The following RPS6KA2 variants were observed in gnomAD, a reference collection of about 807,000 sequenced individuals.
RPS6KA2 encodes ribosomal protein S6 kinase A2, also known as ribosomal protein S6 kinase alpha-2.
Under a neutral mutation model 91.8 loss-of-function variants are expected in RPS6KA2, and 42 were observed. The observed-to-expected ratio is 0.46, with a 90% CI of 0.36 to 0.59. The LOEUF (loss-of-function observed/expected upper bound fraction) is 0.59, where lower values mean the gene tolerates loss of function less well. Among genes scored for constraint, RPS6KA2 ranks in the 20% least tolerant of loss-of-function variants. The pLI is 0.00. For synonymous variants in RPS6KA2, 414 were observed against 393.6 expected, an observed-to-expected ratio of 1.05 and a Z score of -0.61; for missense variants, 798 against 978.5, an observed-to-expected ratio of 0.82 and a Z score of 2.46.
In RPS6KA2 at chr6:166,411,342, C is replaced by G. The variant is rs1457426234; in HGVS notation, c.*1420G>C. Reference sequence around the variant, plus strand: ...GCACCTCCTGAAGCCCTGCTTGCTGCAGAGGCGCCGCTCTTCAGTGATGCA... The same window carrying G: ...GCACCTCCTGAAGCCCTGCTTGCTGGAGAGGCGCCGCTCTTCAGTGATGCA... On this transcript the variant is annotated 3_prime_UTR_variant, in exon 21 of 21. Coordinates refer to ENST00000265678, the MANE Select transcript of RPS6KA2 (RefSeq NM_021135.6). This position sits in a 1 kb window ranked among gnomAD's most constrained non-coding sequence, Gnocchi z 4.5. 6.6e-6 allele frequency: 1 copy of G among 152,068 alleles called. No individual in the cohort carries two copies. Among genetic ancestry groups the G allele is most frequent in the Non-Finnish European group, 1.5e-5 (1 of 68,000 alleles). The allele number at this position is 152,068 out of a possible 1,614,324, so 9.4% of individuals were successfully genotyped here. A position where few individuals can be genotyped will look rare whatever the true frequency, so the allele number is the denominator to read the frequency against.
At chr6:166,822,789 C>CAATGAATG (rs35844557) in intron 2 of RPS6KA2, among the ~76,000 whole-genome samples, 127 of 149,286 alleles carry the variant, frequency 8.5e-4, no homozygotes, top group Middle Eastern at 6.8e-3. Flanking sequence ...ACGTGTTTTC[C>CAATGAATG]AATGAATGAA....
chr6:166,465,581 G>A (rs866119763), intron 11 of RPS6KA2, among the ~76,000 whole-genome samples: 2 of 152,146 alleles, frequency 1.3e-5, no homozygotes, highest in Admixed American at 6.5e-5. Context: ...CAGTTTACGC[G>A]GTGTCCTGAA....
chr6:166,824,753 C>CTGTG (rs1218929000), intron 2 of RPS6KA2, among the ~76,000 whole-genome samples: 2 of 108,804 alleles, frequency 1.8e-5, no homozygotes, highest in Non-Finnish European at 3.9e-5. Flanking sequence ...GTCTGTATGT[C>CTGTG]TGTGTGTGTG....
In RPS6KA2 at chr6:166,774,192, C is replaced by A. The variant is rs375113890; in HGVS notation, c.123+84008G>T. ...TTTTATGATTGGACTGCAAGTAAAG[C>A]TGCCAGCCAAATTTTATAACACAAA... On this transcript the variant is annotated intron_variant, in intron 2 of 21. Transcript: ENST00000503859. 1.2e-3 allele frequency among the ~76,000 whole-genome samples: 183 copies of A among 152,274 alleles called. 2 individuals carry two copies. Among genetic ancestry groups the A allele is most frequent in the African/African-American group, 4.3e-3 (177 of 41,550 alleles).
chr6:166,482,851 C>T (rs1781279937), intron 10 of RPS6KA2, among the ~76,000 whole-genome samples: 1 of 152,168 alleles, frequency 6.6e-6, no homozygotes, highest in African/African-American at 2.4e-5. Flanking sequence ...ATTGCATCTT[C>T]CCTAAAACCC....
At position 166,534,844 on chromosome 6, in the gene RPS6KA2, C is replaced by G. The variant is rs534980840; in HGVS notation, c.217-3531G>C. Among the ~76,000 whole-genome samples, 12 of 152,362 alleles carry G rather than the reference C, an allele frequency of 7.9e-5. 1 individual carries two copies. The highest frequency in any genetic ancestry group is 2.9e-4 in the African/African-American group (12 of 41,590). On this transcript the variant is annotated intron_variant, in intron 2 of 20. Coordinates refer to ENST00000265678, the MANE Select transcript of RPS6KA2 (RefSeq NM_021135.6). ...AATTCCTGCAGCAGGTGCTGCCTGA[C>G]TCGCAAGCACAGGACCCAGTGGAGG...
intron 1 of RPS6KA2, among the ~76,000 whole-genome samples, chr6:166,595,901 G>T (rs1262010789): frequency 1.3e-5 from 2 of 152,254 alleles, no homozygotes; most frequent in Non-Finnish European, 2.9e-5. Context: ...AGCCTGGTCA[G>T]AGGCCAAGAC....
intron 2 of RPS6KA2, among the ~76,000 whole-genome samples, chr6:166,640,527 G>T (rs1467446856): frequency 6.6e-6 from 1 of 152,164 alleles, no homozygotes. Context: ...AGGCAGCACC[G>T]CCCTTCCCTG....
chr6:166,680,551 G>A (rs1322428382), intron 2 of RPS6KA2, among the ~76,000 whole-genome samples: 1 of 152,102 alleles, frequency 6.6e-6, no homozygotes, highest in Admixed American at 6.5e-5. Context: ...ACATCTCCAC[G>A]AAGGTTTGCA....
chr6:166,846,727 T>C (rs939464942), intron 2 of RPS6KA2, among the ~76,000 whole-genome samples: 1 of 152,186 alleles, frequency 6.6e-6, no homozygotes, highest in Non-Finnish European at 1.5e-5. Flanking sequence ...ATAAAAGCCA[T>C]CTGTGCCAAA....
At chr6:166,837,095 C>T (rs535881805) in intron 2 of RPS6KA2, among the ~76,000 whole-genome samples, 25 of 152,312 alleles carry the variant, frequency 1.6e-4, no homozygotes, top group East Asian at 5.8e-4. Context: ...GTGCCCCGCC[C>T]GAGGAAGACC....
At chr6:166,472,569 A>G (rs912309023) in intron 10 of RPS6KA2, among the ~76,000 whole-genome samples, 1 of 152,202 alleles carries the variant, frequency 6.6e-6, no homozygotes, top group Admixed American at 6.5e-5. Context: ...GAAACATGAA[A>G]CAGGAGGAGG....
rs1779221723 is a variant in RPS6KA2, at chr6:166,434,163, A to G, written c.1333-1673T>C. On this transcript the variant is annotated intron_variant, in intron 14 of 20. Transcript: ENST00000265678. This position sits in a 1 kb window ranked among gnomAD's most constrained non-coding sequence, Gnocchi z 4.4. ...TCCACTCCCCGTCACCGTTATAAAAACTCACCATAGTGCCAGTTCTCACCC... is the reference window on the plus strand; with the variant it reads ...TCCACTCCCCGTCACCGTTATAAAAGCTCACCATAGTGCCAGTTCTCACCC... 6.6e-6 allele frequency among the ~76,000 whole-genome samples: 1 copy of G among 151,862 alleles called. No individual in the cohort carries two copies. Among genetic ancestry groups the G allele is most frequent in the African/African-American group, 2.4e-5 (1 of 41,338 alleles).
intron 2 of RPS6KA2, among the ~76,000 whole-genome samples, chr6:166,795,700 G>C (rs979949884): frequency 2.0e-5 from 3 of 152,240 alleles, no homozygotes; most frequent in Non-Finnish European, 4.4e-5. Flanking sequence ...AGTGATCACA[G>C]CTGGGCTCCA....
At chr6:166,789,585 C>T (rs1041927999) in intron 2 of RPS6KA2, among the ~76,000 whole-genome samples, 2 of 152,346 alleles carry the variant, frequency 1.3e-5, no homozygotes, top group East Asian at 3.9e-4. Context: ...TCCCTGACCC[C>T]CGAGCAGCTT....
At chr6:166,610,114 T>C (rs1786113722) in intron 1 of RPS6KA2, among the ~76,000 whole-genome samples, 1 of 152,240 alleles carries the variant, frequency 6.6e-6, no homozygotes, top group Admixed American at 6.5e-5. Context: ...GAAACAGCAA[T>C]GCTTCATGGT....
chr6:166,809,565 C>T (rs1317381202), intron 2 of RPS6KA2, among the ~76,000 whole-genome samples: 2 of 151,956 alleles, frequency 1.3e-5, no homozygotes, highest in Non-Finnish European at 2.9e-5. Flanking sequence ...AAGAGAAAAC[C>T]CAATGGCTAA....
chr6:166,710,006 C>T (rs77872566), intron 2 of RPS6KA2, among the ~76,000 whole-genome samples: 2,685 of 152,290 alleles, frequency 0.018, 42 homozygotes, highest in Middle Eastern at 0.075. Flanking sequence ...AGAATCTTCA[C>T]TCTGAAGTAC....
intron 3 of RPS6KA2, among the ~76,000 whole-genome samples, chr6:166,514,480 G>T (rs1486842806): frequency 6.6e-6 from 1 of 152,212 alleles, no homozygotes; most frequent in African/African-American, 2.4e-5. Flanking sequence ...TGGGCAGGAG[G>T]ATACAGGCCA....
Sources: gnomAD v4.1 joint callset for allele counts (sites outside exome capture counted in the v4.1 genomes callset) on GRCh38, gnomAD v4.1.1 for gene constraint, Gnocchi (gnomAD v3.1) non-coding constraint, MANE v1.5 for transcripts, NCBI Gene and HGNC (gene_info 2026-07-23, HGNC 2026-07-21) for gene names.